Variants in MAP2K5 observed in about 807,000 individuals in gnomAD.
MAP2K5 encodes dual specificity mitogen-activated protein kinase kinase 5.
Under a neutral mutation model 83.1 loss-of-function variants are expected in MAP2K5, and 49 were observed. The ratio of observed to expected loss-of-function variants is 0.59; its 90% CI spans 0.47 to 0.75. MAP2K5 has a LOEUF of 0.75. Among genes scored for constraint, MAP2K5 ranks in the 30% least tolerant of loss-of-function variants. MAP2K5 has a pLI of 0.00. For missense variants in MAP2K5, 457 were observed against 557.5 expected (o/e 0.82, Z 1.82); for synonymous variants, 202 against 191.8 (o/e 1.05, Z -0.44).
chr15:67,781,629 G>C lies in MAP2K5; in HGVS notation c.1242+8877G>C, dbSNP rs1349994752. 1.3e-5 allele frequency among the ~76,000 whole-genome samples: 2 copies of C among 152,106 alleles called. No homozygotes were observed. The highest frequency in any genetic ancestry group is 4.8e-5 in the African/African-American group (2 of 41,412). ...CAGTATCGTGGTTTACCGTTTCTCT[G>C]GTCTCTTCATATAAATGGTCACTGA... On this transcript the variant is annotated intron_variant, in intron 21 of 21. Transcript: ENST00000178640. This position sits in a 1 kb window ranked among gnomAD's most constrained non-coding sequence, Gnocchi z 4.0.
rs1460825045 is a variant in MAP2K5, at chr15:67,677,590, A to G, written c.847+12945A>G. Among the ~76,000 whole-genome samples, 2 of 152,138 alleles carry G rather than the reference A, an allele frequency of 1.3e-5. No homozygotes were observed. The highest frequency in any genetic ancestry group is 2.9e-5 in the Non-Finnish European group (2 of 68,028). On this transcript the variant is annotated intron_variant, in intron 13 of 21. Transcript: ENST00000178640. This position sits in a 1 kb window ranked among gnomAD's most constrained non-coding sequence, Gnocchi z 4.2. ...CTTTGTTTTCTTTCCTTTTTCCCCA[A>G]AAATGTTTTATAGTCAAGAGGAGTC...
At chr15:67,585,449 C>T (rs1018346189) in intron 4 of MAP2K5, among the ~76,000 whole-genome samples, 1 of 152,144 alleles carries the variant, frequency 6.6e-6, no homozygotes. Context: ...AATGTTCCAT[C>T]GTAGAATCCC....
In MAP2K5 at chr15:67,751,936, T is replaced by G. The variant is rs186534583; in HGVS notation, c.1134+3335T>G. Among the ~76,000 whole-genome samples, 349 of 152,356 alleles carry G rather than the reference T, an allele frequency of 2.3e-3. 2 individuals carry two copies. Among genetic ancestry groups the G allele is most frequent in the South Asian group, 4.8e-3 (23 of 4,828 alleles). On this transcript the variant is annotated intron_variant, in intron 19 of 21. Transcript: ENST00000178640. ...CCTTACATGGCTGTACTGCTCTGCA[T>G]AGTGCTTTTCCTGTGCCCTCTTGTG...
chr15:67,693,133 G>T (rs529806424), intron 14 of MAP2K5, among the ~76,000 whole-genome samples: 1 of 152,266 alleles, frequency 6.6e-6, no homozygotes, highest in South Asian at 2.1e-4. Flanking sequence ...CGTATTTAGT[G>T]TTCATTTCAT....
intron 19 of MAP2K5, among the ~76,000 whole-genome samples, chr15:67,763,332 G>T (rs539847195): frequency 3.9e-4 from 60 of 152,220 alleles, no homozygotes; most frequent in Middle Eastern, 3.4e-3. Context: ...AGCATTGATT[G>T]AATTTGTACA....
chr15:67,733,657 A>G (rs1258382893), intron 17 of MAP2K5, among the ~76,000 whole-genome samples: 1 of 152,204 alleles, frequency 6.6e-6, no homozygotes, highest in Admixed American at 6.5e-5. Context: ...CAAAATAGAG[A>G]TCTACTTTAC....
chr15:67,786,357 T>C lies in MAP2K5; in HGVS notation c.1242+13605T>C, dbSNP rs1445208086. Among the ~76,000 whole-genome samples, 5 of 152,230 alleles carry C rather than the reference T, an allele frequency of 3.3e-5. No individual in the cohort carries two copies. The highest frequency in any genetic ancestry group is 3.3e-4 in the Admixed American group (5 of 15,280). On this transcript the variant is annotated intron_variant, in intron 21 of 21. Coordinates refer to ENST00000178640, the MANE Select transcript of MAP2K5 (RefSeq NM_145160.3). This position sits in a 1 kb window ranked among gnomAD's most constrained non-coding sequence, Gnocchi z 4.7. ...TGGAAGCCATAACTTTTCATGTCTG[T>C]CCTTTATTATTGGTAAAATGTAATG... is the stretch of plus-strand genomic sequence containing the variant.
chr15:67,691,135 T>C (rs890662286), intron 13 of MAP2K5, among the ~76,000 whole-genome samples: 2 of 152,198 alleles, frequency 1.3e-5, no homozygotes, highest in African/African-American at 2.4e-5. Context: ...TGTGTACTTG[T>C]GGTTTCCATT....
In MAP2K5 at chr15:67,561,799, C is replaced by T. The variant is rs770402401; in HGVS notation, c.185-1484C>T. On this transcript the variant is annotated intron_variant, in intron 2 of 21. Coordinates refer to ENST00000178640, the MANE Select transcript of MAP2K5 (RefSeq NM_145160.3). The surrounding 1 kb of genome is among the most constrained non-coding windows in gnomAD (Gnocchi z 4.2). ...AAATTAGGCTAATTGTGAAAGAACACAAGCTTCCTCCTAGGGTCCCCATAG... is the reference window on the plus strand; with the variant it reads ...AAATTAGGCTAATTGTGAAAGAACATAAGCTTCCTCCTAGGGTCCCCATAG... Among the ~76,000 whole-genome samples, 12 of 152,136 alleles carry T rather than the reference C, an allele frequency of 7.9e-5. No homozygotes were observed. Among genetic ancestry groups the T allele is most frequent in the Non-Finnish European group, 1.6e-4 (11 of 68,000 alleles).
In MAP2K5 at chr15:67,548,926, A is replaced by G. The variant is rs79463986; in HGVS notation, c.136-1108A>G. The G allele has an allele frequency of 1.3e-3, 1,102 of 850,800 alleles. 5 individuals are homozygous for G. In the African/African-American group the frequency reaches 0.018, roughly 14 times the overall value. 52.7% of individuals were successfully genotyped at this position (850,800 alleles called of 1,614,324 possible). On this transcript the variant is annotated intron_variant, in intron 1 of 21. Coordinates refer to ENST00000178640, the MANE Select transcript of MAP2K5 (RefSeq NM_145160.3). ...AGATTTATTTTTGAAAAAAAAAAAA[A>G]GCACTATAGAGGCAAGACTATTATG...
At chr15:67,713,655 G>T (rs1000510530) in intron 16 of MAP2K5, among the ~76,000 whole-genome samples, 5 of 151,898 alleles carry the variant, frequency 3.3e-5, no homozygotes, top group Non-Finnish European at 5.9e-5. Flanking sequence ...ACAATTGCTT[G>T]AACCCAGGAG....
intron 8 of MAP2K5, among the ~76,000 whole-genome samples, chr15:67,609,697 A>G (rs142495458): frequency 9.6e-5 from 14 of 146,386 alleles, no homozygotes; most frequent in African/African-American, 3.2e-4. Flanking sequence ...GACCTATTCT[A>G]TAGGTCTATA....
intron 15 of MAP2K5, among the ~76,000 whole-genome samples, chr15:67,696,015 CATGGTGTAAGGTTGGG>C (rs2088243768): frequency 6.7e-6 from 1 of 150,342 alleles, no homozygotes; most frequent in African/African-American, 2.5e-5. Flanking sequence ...TGCTCACCTA[CATGGTGTAAGGTTGGG>C]GGTGGGGGGA....
At position 67,758,110 on chromosome 15, in the gene MAP2K5, A is replaced by G. The variant is rs1566954457; in HGVS notation, c.1134+9509A>G. Among the ~76,000 whole-genome samples the G allele has an allele frequency of 6.6e-6, 1 of 152,180 alleles. No individual in the cohort carries two copies. The highest frequency in any genetic ancestry group is 2.4e-5 in the African/African-American group (1 of 41,436). The stretch of plus-strand genomic sequence containing the variant: ...TGGGGAGACTGAAAGAGTTTTAAGC[A>G]AGAGGTCAACGTAGCCAGATTTGTG... On this transcript the variant is annotated intron_variant, in intron 19 of 21. Transcript: ENST00000178640. The surrounding 1 kb of genome is among the most constrained non-coding windows in gnomAD (Gnocchi z 4.7).
rs1242605603 is a variant in MAP2K5 at position 67,609,313 on chromosome 15, T to TA, written c.545+8565dup. Among the ~76,000 whole-genome samples the TA allele has an allele frequency of 5.9e-5, 9 of 152,022 alleles. No individual in the cohort carries two copies. The South Asian group carries it at 1.5e-3, about 25-fold the overall frequency. ...TTGTGAACAAGATAGGCAAGGTCCC[T>TA]ATCCAGAACTCACACTAGTGGGGCA... is the stretch of plus-strand genomic sequence containing the variant. On this transcript the variant is annotated intron_variant, in intron 8 of 21. Coordinates refer to ENST00000178640, the MANE Select transcript of MAP2K5 (RefSeq NM_145160.3).
chr15:67,622,247 A>C (rs994940738), intron 8 of MAP2K5, among the ~76,000 whole-genome samples: 2 of 152,114 alleles, frequency 1.3e-5, no homozygotes, highest in African/African-American at 2.4e-5. Context: ...ACCTGAAGGA[A>C]GCAATGGAGC....
intron 15 of MAP2K5, among the ~76,000 whole-genome samples, chr15:67,699,855 GAC>G (rs879611859): frequency 6.6e-5 from 10 of 151,946 alleles, no homozygotes; most frequent in African/African-American, 9.7e-5. Context: ...CAGCATATTG[GAC>G]ACAGCAGAAG....
At chr15:67,619,945 C>T (rs2086143237) in intron 8 of MAP2K5, among the ~76,000 whole-genome samples, 1 of 152,184 alleles carries the variant, frequency 6.6e-6, no homozygotes, top group Non-Finnish European at 1.5e-5. Context: ...TGGTTCGCTC[C>T]TGTAGACTCA....
rs2088777375 is a variant in MAP2K5 at position 67,714,413 on chromosome 15, G to GAAAAAAAAAAAAA, written c.1044+11005_1044+11006insAAAAAAAAAAAAA. On this transcript the variant is annotated intron_variant, in intron 16 of 21. Transcript: ENST00000178640. Reference sequence around the variant, plus strand: ...CCCCCCACCCCTACCCAGCTGCCAGGGAAAAAAAAAAAAAAAAAAAAAAAA... The same window carrying GAAAAAAAAAAAAA: ...CCCCCCACCCCTACCCAGCTGCCAGGAAAAAAAAAAAAAGAAAAAAAAAAAAAAAAAAAAAAAA... 9.4e-5 allele frequency among the ~76,000 whole-genome samples: 4 copies of GAAAAAAAAAAAAA among 42,692 alleles called. 2 individuals carry two copies. Among genetic ancestry groups the GAAAAAAAAAAAAA allele is most frequent in the African/African-American group, 3.1e-4 (4 of 12,744 alleles). The allele number at this position is 42,692 out of a possible 152,430, so 28.0% of individuals were successfully genotyped here. A position where few individuals can be genotyped will look rare whatever the true frequency, so the allele number is the denominator to read the frequency against.
Sources: gnomAD v4.1 joint callset for allele counts (sites outside exome capture counted in the v4.1 genomes callset) on GRCh38, gnomAD v4.1.1 for gene constraint, Gnocchi (gnomAD v3.1) non-coding constraint, MANE v1.5 for transcripts, NCBI Gene and HGNC (gene_info 2026-07-23, HGNC 2026-07-21) for gene names.